CCPG1: variants seen among roughly 807,000 people sequenced by gnomAD.
CCPG1 encodes cell cycle progression protein 1.
A neutral mutation model predicts 81.3 loss-of-function variants in CCPG1; 46 were observed. The observed-to-expected ratio is 0.57, with a 90% CI of 0.45 to 0.72. The LOEUF is 0.72. CCPG1 is among the 30% of genes least tolerant of loss of function. The pLI, the probability that CCPG1 is intolerant of heterozygous loss-of-function variation, is 0.00. For missense variants in CCPG1, 902 were observed against 937.6 expected, an observed-to-expected ratio of 0.96 and a Z score of 0.50; for synonymous variants, 330 against 305.2, an observed-to-expected ratio of 1.08 and a Z score of -0.85.
intron 7 of CCPG1, among the ~76,000 whole-genome samples, chr15:55,363,863 G>A (rs1052615770): frequency 5.6e-5 from 7 of 125,458 alleles, no homozygotes; most frequent in African/African-American, 2.2e-4. Context: ...GAGTGCAATA[G>A]TGTGATCTCA....
chr15:55,405,669 C>A (rs1246789136), intron 1 of CCPG1, among the ~76,000 whole-genome samples: 2 of 152,148 alleles, frequency 1.3e-5, no homozygotes, highest in Non-Finnish European at 2.9e-5. Flanking sequence ...CCACTGCACT[C>A]CAGACTAGGT....
At chr15:55,382,147 G>T (rs941262953) in intron 3 of CCPG1, among the ~76,000 whole-genome samples, 3 of 152,186 alleles carry the variant, frequency 2.0e-5, no homozygotes, top group Non-Finnish European at 4.4e-5. Context: ...GCTGCTGAAG[G>T]GTGGAGTAGC....
intron 5 of CCPG1, among the ~76,000 whole-genome samples, chr15:55,374,653 C>CGGGGT (rs1566972415): frequency 6.6e-6 from 1 of 152,084 alleles, no homozygotes; most frequent in Non-Finnish European, 1.5e-5. Flanking sequence ...TTTTTTGAGA[C>CGGGGT]GGGGTCTCCC....
Position 55,356,119 on chromosome 15 carries a change from A to C in CCPG1, c.*101T>G, listed in dbSNP as rs752657493. ...CAAACTGATACTTAGAAACAAAAGA[A>C]AAGACATTGTCATCTTGGTAATTTC... On this transcript the variant is annotated 3_prime_UTR_variant, in exon 9 of 9. Transcript: ENST00000442196. 8.4e-4 allele frequency: 748 copies of C among 888,602 alleles called. 6 individuals are homozygous for C. Among genetic ancestry groups the C allele is most frequent in the Middle Eastern group, 2.8e-4 (1 of 3,628 alleles). The allele number at this position is 888,602 out of a possible 1,614,324, so 55.0% of individuals were successfully genotyped here. A position where few individuals can be genotyped will look rare whatever the true frequency, so the allele number is the denominator to read the frequency against.
At chr15:55,369,850 T>G (rs1044714197) in intron 6 of CCPG1, among the ~76,000 whole-genome samples, 1 of 152,204 alleles carries the variant, frequency 6.6e-6, no homozygotes, top group Non-Finnish European at 1.5e-5. Context: ...TTAATGCAAT[T>G]TGGATTAACA....
chr15:55,391,508 G>A lies in CCPG1; in HGVS notation c.-9-2075C>T, dbSNP rs117185550. Reference sequence around the variant, plus strand: ...TATGTATCAATGTCTATTTGTATGAGAATCATGTTTATAATAGCTTGAAAA... The same window carrying A: ...TATGTATCAATGTCTATTTGTATGAAAATCATGTTTATAATAGCTTGAAAA... On this transcript the variant is annotated intron_variant, in intron 1 of 8. Coordinates refer to ENST00000442196, the MANE Select transcript of CCPG1 (RefSeq NM_001204450.2). Among the ~76,000 whole-genome samples the A allele has an allele frequency of 1.2e-3, 178 of 152,110 alleles. 1 individual carries two copies. Among genetic ancestry groups the A allele is most frequent in the Admixed American group, 2.4e-3 (37 of 15,282 alleles).
intron 1 of CCPG1, among the ~76,000 whole-genome samples, chr15:55,392,948 C>G (rs369460482): frequency 6.6e-6 from 1 of 151,954 alleles, no homozygotes; most frequent in Non-Finnish European, 1.5e-5. Context: ...ACTAAAAATA[C>G]AAAAAATTAG....
chr15:55,374,208 C>T (rs1435847981), intron 5 of CCPG1: 1 of 1,288,944 alleles, frequency 7.8e-7, no homozygotes, highest in Non-Finnish European at 1.0e-6. Context: ...ATCCCATCCC[C>T]ATATGCACTC....
chr15:55,400,158 C>T (rs919786633), intron 1 of CCPG1, among the ~76,000 whole-genome samples: 43 of 131,496 alleles, frequency 3.3e-4, no homozygotes, highest in Admixed American at 1.8e-3. Flanking sequence ...TGCACTGAGC[C>T]GAGATAATAC....
intron 3 of CCPG1, among the ~76,000 whole-genome samples, chr15:55,385,217 G>A (rs979770196): frequency 3.9e-5 from 6 of 152,202 alleles, no homozygotes; most frequent in Non-Finnish European, 8.8e-5. Context: ...CCAGGCTGGA[G>A]TGCAATGGCA....
In CCPG1 at chr15:55,406,112, G is replaced by A. The variant is rs1186940696; in HGVS notation, c.-10+2109C>T. Among the ~76,000 whole-genome samples, 5 of 152,144 alleles carry A rather than the reference G, an allele frequency of 3.3e-5. No homozygotes were observed. In the East Asian group the frequency reaches 9.6e-4, roughly 29 times the overall value. ...AGTCCTGACCTCAAGTGATCCGCCT[G>A]CCTTGGCTTCCCAAAGTCCTGGGAT... On this transcript the variant is annotated intron_variant, in intron 1 of 8. Transcript: ENST00000442196.
At chr15:55,363,352 A>G (rs1157618583) in intron 7 of CCPG1, among the ~76,000 whole-genome samples, 1 of 127,048 alleles carries the variant, frequency 7.9e-6, no homozygotes, top group Non-Finnish European at 1.7e-5. Flanking sequence ...CCATCTCAGA[A>G]AAAAAACAAA....
intron 1 of CCPG1, among the ~76,000 whole-genome samples, chr15:55,396,736 T>C (rs1370141187): frequency 6.6e-6 from 1 of 152,200 alleles, no homozygotes; most frequent in Non-Finnish European, 1.5e-5. Context: ...GCAAGCTTCA[T>C]TGCTGAAGTA....
At chr15:55,367,450 C>T (rs1003412723) in intron 6 of CCPG1, among the ~76,000 whole-genome samples, 2 of 152,110 alleles carry the variant, frequency 1.3e-5, no homozygotes, top group Admixed American at 1.3e-4. Flanking sequence ...CCTCAAGATA[C>T]AATCTTTGGC....
chr15:55,358,941 A>G, intron 8 of CCPG1: 1 of 970,746 alleles, frequency 1.0e-6, no homozygotes, highest in Non-Finnish European at 1.2e-6. Context: ...GTTACAGAAT[A>G]TAAAGATGAA....
At chr15:55,363,799 C>CTTTTTTTTTTTTTTTTTT (rs565044184) in intron 7 of CCPG1, among the ~76,000 whole-genome samples, 4 of 93,942 alleles carry the variant, frequency 4.3e-5, no homozygotes, top group African/African-American at 1.8e-4. Context: ...TTTCCTTTTC[C>CTTTTTTTTTTTTTTTTTT]TTTTTTTTTT....
chr15:55,397,702 C>T (rs1241510365), intron 1 of CCPG1, among the ~76,000 whole-genome samples: 1 of 152,122 alleles, frequency 6.6e-6, no homozygotes, highest in Non-Finnish European at 1.5e-5. Flanking sequence ...TTGGGCCGGG[C>T]ATGGTGGCTC....
rs112015452 is a variant in CCPG1 at position 55,393,283 on chromosome 15, T to A, written c.-9-3850A>T. On this transcript the variant is annotated intron_variant, in intron 1 of 8. Coordinates refer to ENST00000442196, the MANE Select transcript of CCPG1 (RefSeq NM_001204450.2). Reference sequence around the variant, plus strand: ...GACTCCCCATCTCTACCAAAAAAAATTTTTTAATCAGCAGGACATGGTGGC... The same window carrying A: ...GACTCCCCATCTCTACCAAAAAAAAATTTTTAATCAGCAGGACATGGTGGC... 3.3e-3 allele frequency among the ~76,000 whole-genome samples: 498 copies of A among 152,050 alleles called. 1 individual carries two copies. The highest frequency in any genetic ancestry group is 0.011 in the African/African-American group (464 of 41,480).
chr15:55,381,807 T>C (rs1391667374), intron 3 of CCPG1, among the ~76,000 whole-genome samples: 1 of 117,520 alleles, frequency 8.5e-6, no homozygotes, highest in African/African-American at 5.0e-5. Context: ...CCATGTGAAG[T>C]ATACATAATA....
Sources: gnomAD v4.1 joint callset for allele counts (sites outside exome capture counted in the v4.1 genomes callset) on GRCh38, gnomAD v4.1.1 for gene constraint, MANE v1.5 for transcripts, NCBI Gene and HGNC (gene_info 2026-07-23, HGNC 2026-07-21) for gene names.